Variants in SETD2 observed in about 807,000 individuals in gnomAD.
SETD2 encodes the protein SET domain containing 2, histone lysine methyltransferase, also known as histone-lysine N-methyltransferase SETD2.
A neutral mutation model predicts 242.1 loss-of-function variants in SETD2; 31 were observed. The observed-to-expected ratio is 0.13, with a 90% CI of 0.10 to 0.17. SETD2 has a LOEUF of 0.17. Among genes scored for constraint, SETD2 ranks in the 10% least tolerant of loss-of-function variants. SETD2 has a pLI of 1.00. For missense variants in SETD2, 2,481 were observed against 3,046.3 expected (o/e 0.81, Z 4.37); for synonymous variants, 1,006 against 1,066.5 (o/e 0.94, Z 1.11).
intron 14 of SETD2, among the ~76,000 whole-genome samples, chr3:47,060,457 C>A (rs1282276802): frequency 6.6e-6 from 1 of 152,104 alleles, no homozygotes; most frequent in Non-Finnish European, 1.5e-5. Flanking sequence ...CTAATAGAAG[C>A]TACAGTCATC....
At chr3:47,043,029 T>A (rs2039354543) in intron 16 of SETD2, among the ~76,000 whole-genome samples, 1 of 149,856 alleles carries the variant, frequency 6.7e-6, no homozygotes. Flanking sequence ...GAAATATCTT[T>A]ATCTTTAAAA....
chr3:47,096,573 A>G (rs1430323617), intron 9 of SETD2, among the ~76,000 whole-genome samples: 1 of 68,446 alleles, frequency 1.5e-5, no homozygotes, highest in Non-Finnish European at 2.9e-5. Context: ...TTTTGCCTCA[A>G]AAAAAAAAAA....
At position 47,106,182 on chromosome 3, in the gene SETD2, G is replaced by A. The variant is rs2042413137; in HGVS notation, c.4716-62C>T. The A allele has an allele frequency of 3.4e-6, 5 of 1,454,036 alleles. No individual in the cohort carries two copies. In the East Asian group the frequency reaches 9.3e-5, roughly 27 times the overall value. The allele number at this position is 1,454,036 out of a possible 1,614,324, so 90.1% of individuals were successfully genotyped here. ...TAGGAGCAGTAGGGAAAACATATAT[G>A]CTCAGGCAAAAATAAGGAATTTAAA... On this transcript the variant is annotated intron_variant, in intron 5 of 20. Coordinates refer to ENST00000409792, the MANE Select transcript of SETD2 (RefSeq NM_014159.7).
At chr3:47,154,888 G>A (rs1276343316) in intron 1 of SETD2, among the ~76,000 whole-genome samples, 1 of 152,030 alleles carries the variant, frequency 6.6e-6, no homozygotes, top group African/African-American at 2.4e-5. Context: ...CAGCTACTCC[G>A]GAGGCTGAGG....
intron 4 of SETD2, among the ~76,000 whole-genome samples, 179 bp from the exon 5 acceptor site, chr3:47,114,183 CTGAG>C (rs1315958269): frequency 6.6e-6 from 1 of 152,192 alleles, no homozygotes; most frequent in Non-Finnish European, 1.5e-5. Context: ...TTCCTTAGAA[CTGAG>C]TATCTACATT....
In SETD2 at chr3:47,122,721, C is replaced by A. The variant is rs761234986; in HGVS notation, c.1915G>T (p.Glu639Ter). The change falls in exon 3 of 21, where the codon GAA becomes TAA. Residue 639 changes from glutamate to a stop codon, truncating the protein, a stop_gained. Coordinates refer to ENST00000409792, the MANE Select transcript of SETD2 (RefSeq NM_014159.7). LOFTEE classifies it high-confidence loss of function. ...TCATGGCTATCATGTGTTATAAATT[C>A]GGACTTAAAAATAGGCAATTCATCT... ...KLDELPIFKSEFITHDSHDSI... is the reference protein window; with the variant it reads ...KLDELPIFKS The A allele has an allele frequency of 6.2e-7, 1 of 1,611,064 alleles. No individual in the cohort carries two copies. The highest frequency in any genetic ancestry group is 8.5e-7 in the Non-Finnish European group (1 of 1,178,978).
chr3:47,064,761 T>G (rs2040487671), intron 13 of SETD2: 2 of 155,912 alleles, frequency 1.3e-5, no homozygotes, highest in Non-Finnish European at 2.9e-5. Flanking sequence ...ATATATTATA[T>G]ATATGTAAAT....
chr3:47,132,836 T>C (rs1000972135), intron 1 of SETD2, among the ~76,000 whole-genome samples: 1 of 152,204 alleles, frequency 6.6e-6, no homozygotes, highest in African/African-American at 2.4e-5. Flanking sequence ...CATATAAGAA[T>C]AGATCACAGT....
chr3:47,049,085 G>A (rs76684809), intron 15 of SETD2, among the ~76,000 whole-genome samples: 7,412 of 150,594 alleles, frequency 0.049, 339 homozygotes, highest in East Asian at 0.13. Context: ...TCAGCCTCCC[G>A]AGTATGTGCC....
intron 18 of SETD2, among the ~76,000 whole-genome samples, chr3:47,020,722 T>C (rs2038180058): frequency 6.6e-6 from 1 of 152,234 alleles, no homozygotes; most frequent in African/African-American, 2.4e-5. Context: ...TACTTCATAA[T>C]GGATCTAGAA....
At chr3:47,051,380 C>T (rs1421049441) in intron 15 of SETD2, among the ~76,000 whole-genome samples, 4 of 152,152 alleles carry the variant, frequency 2.6e-5, no homozygotes, top group Non-Finnish European at 5.9e-5. Flanking sequence ...GCTTAGATTA[C>T]AGGCATGAGC....
intron 1 of SETD2, among the ~76,000 whole-genome samples, chr3:47,134,967 CTCTCA>C (rs1277557013): frequency 6.6e-6 from 1 of 152,138 alleles, no homozygotes; most frequent in Non-Finnish European, 1.5e-5. Context: ...TAAATATCAC[CTCTCA>C]TATCAATCAG....
intron 18 of SETD2, among the ~76,000 whole-genome samples, chr3:47,031,373 C>G (rs547186875): frequency 1.4e-4 from 21 of 152,228 alleles, no homozygotes; most frequent in African/African-American, 4.3e-4. Flanking sequence ...TATATGGAAA[C>G]TCTCCGTACT....
chr3:47,157,744 A>G (rs1183467456), intron 1 of SETD2, among the ~76,000 whole-genome samples: 1 of 151,976 alleles, frequency 6.6e-6, no homozygotes, highest in Non-Finnish European at 1.5e-5. Flanking sequence ...ATGGTGGCGC[A>G]TGCCTGTAAT....
intron 18 of SETD2, among the ~76,000 whole-genome samples, chr3:47,020,120 T>C (rs1329200318): frequency 6.6e-6 from 1 of 151,994 alleles, no homozygotes; most frequent in Non-Finnish European, 1.5e-5. Flanking sequence ...CATTTCAGAG[T>C]CACTCATGTC....
intron 1 of SETD2, among the ~76,000 whole-genome samples, chr3:47,157,121 G>A (rs375108631): frequency 1.3e-5 from 2 of 151,974 alleles, no homozygotes; most frequent in African/African-American, 4.8e-5. Context: ...AAATTAGTTG[G>A]GCATGGTGGC....
At chr3:47,161,291 A>G (rs1015654920) in intron 1 of SETD2, among the ~76,000 whole-genome samples, 7 of 152,180 alleles carry the variant, frequency 4.6e-5, no homozygotes, top group African/African-American at 1.2e-4. Context: ...GTTAACCATT[A>G]TAATACCTAT....
intron 6 of SETD2, among the ~76,000 whole-genome samples, chr3:47,104,365 C>A (rs1010297589): frequency 2.0e-5 from 3 of 151,990 alleles, no homozygotes; most frequent in South Asian, 2.1e-4. Context: ...CACAGCAAGA[C>A]CCTGTCTCTA....
intron 18 of SETD2, among the ~76,000 whole-genome samples, chr3:47,035,059 T>C: frequency 6.6e-6 from 1 of 152,192 alleles, no homozygotes; most frequent in Admixed American, 6.5e-5. Flanking sequence ...ACCTGACAAA[T>C]ATACTCACTC....
Sources: gnomAD v4.1 joint callset for allele counts (sites outside exome capture counted in the v4.1 genomes callset) on GRCh38, gnomAD v4.1.1 for gene constraint, MANE v1.5 for transcripts, NCBI Gene and HGNC (gene_info 2026-07-23, HGNC 2026-07-21) for gene names.